The following ABLIM2 variants were observed in gnomAD, a reference collection of about 807,000 sequenced individuals.
ABLIM2 encodes the protein actin binding LIM protein family member 2.
ABLIM2 carries 53 observed loss-of-function variants against 97.7 expected under a neutral mutation model. The ratio of observed to expected loss-of-function variants is 0.54; its 90% CI spans 0.44 to 0.68. The LOEUF (loss-of-function observed/expected upper bound fraction) is 0.68, where lower values mean the gene tolerates loss of function less well. Among genes scored for constraint, ABLIM2 ranks in the 30% least tolerant of loss-of-function variants. The pLI is 0.00. For synonymous variants in ABLIM2, 361 were observed against 345.8 expected (o/e 1.04, Z -0.49); for missense variants, 835 against 867.2 (o/e 0.96, Z 0.47).
At chr4:8,129,392 G>T (rs891150628) in intron 1 of ABLIM2, among the ~76,000 whole-genome samples, 2 of 152,254 alleles carry the variant, frequency 1.3e-5, no homozygotes, top group African/African-American at 4.8e-5. Context: ...GCCCCTGCGC[G>T]CCCGAAACAC....
chr4:7,997,221 G>C (rs573630964), intron 16 of ABLIM2, among the ~76,000 whole-genome samples: 329 of 152,180 alleles, frequency 2.2e-3, no homozygotes, highest in Non-Finnish European at 3.7e-3. Context: ...ATGGGTGCAC[G>C]CCATCATGTC....
chr4:8,010,369 G>A (rs1764135810), intron 14 of ABLIM2: 13 of 985,524 alleles, frequency 1.3e-5, no homozygotes, highest in Admixed American at 6.2e-5. Flanking sequence ...ACCCGTCTCC[G>A]TCCCCAGCCC....
At chr4:8,090,959 C>T (rs1210578224) in intron 3 of ABLIM2, among the ~76,000 whole-genome samples, 1 of 151,932 alleles carries the variant, frequency 6.6e-6, no homozygotes, top group African/African-American at 2.4e-5. Flanking sequence ...CCAGCCTCTC[C>T]GCGGACACAA....
intron 17 of ABLIM2, among the ~76,000 whole-genome samples, chr4:7,991,306 C>A (rs1417614115): frequency 2.0e-5 from 3 of 152,344 alleles, no homozygotes; most frequent in Admixed American, 2.0e-4. Context: ...TGACGCAAGA[C>A]TACAAATGCA....
chr4:7,984,886 T>C lies in ABLIM2; in HGVS notation c.1688A>G (p.Asn563Ser), dbSNP rs375119926. Residue 563 changes from asparagine to serine, a missense_variant, in exon 18 of 21, where the codon AAT (asparagine) becomes AGT (serine). Asn to Ser is a conservative substitution (Grantham distance 46, BLOSUM62 1). Coordinates refer to ENST00000447017, the MANE Select transcript of ABLIM2 (RefSeq NM_001130083.2). ...GKNGLDQRNA[N>S]LAPCGADPDA... ...CGGGTCTGCTCCACAGGGGGCCAGA[T>C]TGGCATTCTGGAAGAGAAAGAGAGG... 73 of 1,609,076 alleles carry C rather than the reference T, an allele frequency of 4.5e-5. No individual in the cohort carries two copies. Among genetic ancestry groups the C allele is most frequent in the Non-Finnish European group, 5.3e-5 (63 of 1,178,090 alleles).
Position 8,022,946 on chromosome 4 carries a change from C to T in ABLIM2, c.1268-2643G>A. On this transcript the variant is annotated intron_variant, in intron 12 of 20. Coordinates refer to ENST00000447017, the MANE Select transcript of ABLIM2 (RefSeq NM_001130083.2). This position sits in a 1 kb window ranked among gnomAD's most constrained non-coding sequence, Gnocchi z 7.8. ...CTTTTTCCTCTTCCTCCTCCTCCTC[C>T]TCTTCTTTTTCCTCTTCCTCCTCTG... The T allele has an allele frequency of 6.4e-6, 1 of 155,152 alleles. No individual in the cohort carries two copies. Among genetic ancestry groups the T allele is most frequent in the Non-Finnish European group, 1.4e-5 (1 of 69,730 alleles). The allele number at this position is 155,152 out of a possible 1,614,324, so 9.6% of individuals were successfully genotyped here.
intron 9 of ABLIM2, among the ~76,000 whole-genome samples, chr4:8,042,890 C>T (rs1010651776): frequency 6.8e-6 from 1 of 147,906 alleles, no homozygotes; most frequent in African/African-American, 2.5e-5. Flanking sequence ...ATGACTCAAA[C>T]CTATAATCCC....
intron 3 of ABLIM2, among the ~76,000 whole-genome samples, chr4:8,089,732 CAAAAAA>C (rs58396378): frequency 4.0e-4 from 35 of 87,678 alleles, no homozygotes; most frequent in Admixed American, 3.5e-3. Context: ...AGATTCATAT[CAAAAAA>C]AAAAAAAAAA....
In ABLIM2 at chr4:8,106,484, G is replaced by A; in HGVS notation, c.154+10C>T. ...AGGGGCCACACTGCAGGGGACCGGG[G>A]GACACTCACCTTTACAGACGAAGCA... On this transcript the variant is annotated intron_variant, in intron 2 of 20. Coordinates refer to ENST00000447017, the MANE Select transcript of ABLIM2 (RefSeq NM_001130083.2). 3.1e-6 allele frequency: 5 copies of A among 1,588,594 alleles called. No homozygotes were observed. The highest frequency in any genetic ancestry group is 4.3e-6 in the Non-Finnish European group (5 of 1,167,550).
At chr4:8,035,440 C>T (rs1051180403) in intron 10 of ABLIM2, among the ~76,000 whole-genome samples, 1 of 152,198 alleles carries the variant, frequency 6.6e-6, no homozygotes, top group Admixed American at 6.5e-5. Flanking sequence ...CTGAGCTTCC[C>T]CACCCCGGGG....
chr4:8,115,961 C>T (rs747230223), intron 1 of ABLIM2, among the ~76,000 whole-genome samples: 3 of 152,178 alleles, frequency 2.0e-5, no homozygotes, highest in Non-Finnish European at 2.9e-5. Flanking sequence ...GCCCACATGC[C>T]GCTATTCTGG....
chr4:7,975,496 G>A (rs1294623892), intron 20 of ABLIM2, among the ~76,000 whole-genome samples: 6 of 152,192 alleles, frequency 3.9e-5, no homozygotes, highest in Middle Eastern at 3.4e-3. Flanking sequence ...TCACTGCTGC[G>A]TGGCTGGACA....
At chr4:8,153,983 GAT>G (rs1714140558) in intron 1 of ABLIM2, among the ~76,000 whole-genome samples, 1 of 95,594 alleles carries the variant, frequency 1.0e-5, no homozygotes, top group Non-Finnish European at 2.2e-5. Flanking sequence ...TTTTTTTTGA[GAT>G]ACAGTCTCAC....
chr4:8,050,024 G>A lies in ABLIM2; in HGVS notation c.822+4164C>T, dbSNP rs1228550699. 2.0e-5 allele frequency among the ~76,000 whole-genome samples: 3 copies of A among 152,272 alleles called. No individual in the cohort carries two copies. In the East Asian group the frequency reaches 5.8e-4, roughly 29 times the overall value. ...ATTACAGGTGTGAGCCACTGCGCAC[G>A]GCCAGTCAGAATGTTTTAAAATCTA... On this transcript the variant is annotated intron_variant, in intron 8 of 20. Transcript: ENST00000447017.
chr4:8,156,517 C>G (rs932153164), intron 1 of ABLIM2, among the ~76,000 whole-genome samples: 21 of 152,274 alleles, frequency 1.4e-4, no homozygotes, highest in African/African-American at 4.8e-4. Flanking sequence ...CGATCCACAC[C>G]TGGGTCATCC....
At chr4:7,974,009 G>A (rs747691416) in intron 20 of ABLIM2, among the ~76,000 whole-genome samples, 41 of 152,220 alleles carry the variant, frequency 2.7e-4, no homozygotes, top group Non-Finnish European at 5.3e-4. Flanking sequence ...AGTAAATACT[G>A]AGGTTTCCCA....
At chr4:8,111,138 C>T (rs1476901968) in intron 1 of ABLIM2, among the ~76,000 whole-genome samples, 1 of 152,174 alleles carries the variant, frequency 6.6e-6, no homozygotes, top group African/African-American at 2.4e-5. Flanking sequence ...TGGGGTGTAT[C>T]CAGACGATGA....
Position 7,998,958 on chromosome 4 carries a change from C to G in ABLIM2, c.1619-6031G>C, listed in dbSNP as rs571660085. Reference sequence around the variant, plus strand: ...AGGCGACACTATCTCACCCCCTGGACTGCTGTCTGGACTCCTGAAGTTGGT... The same window carrying G: ...AGGCGACACTATCTCACCCCCTGGAGTGCTGTCTGGACTCCTGAAGTTGGT... On this transcript the variant is annotated intron_variant, in intron 16 of 20. Coordinates refer to ENST00000447017, the MANE Select transcript of ABLIM2 (RefSeq NM_001130083.2). The surrounding 1 kb of genome is among the most constrained non-coding windows in gnomAD (Gnocchi z 6.4). Among the ~76,000 whole-genome samples the G allele has an allele frequency of 6.6e-6, 1 of 152,248 alleles. No homozygotes were observed. The highest frequency in any genetic ancestry group is 1.9e-4 in the East Asian group (1 of 5,202).
At position 7,990,309 on chromosome 4, in the gene ABLIM2, G is replaced by C. The variant is rs1747671124; in HGVS notation, c.1680+2557C>G. On this transcript the variant is annotated intron_variant, in intron 17 of 20. Coordinates refer to ENST00000447017, the MANE Select transcript of ABLIM2 (RefSeq NM_001130083.2). ...CCTCCGAGGTTCAAGCAATTCTCCT[G>C]CCTCAGCCTCCCGAGTGGCTGGGAC... Among the ~76,000 whole-genome samples the C allele has an allele frequency of 2.0e-5, 3 of 152,140 alleles. No individual in the cohort carries two copies. The South Asian group carries it at 6.2e-4, about 32-fold the overall frequency.
Sources: gnomAD v4.1 joint callset for allele counts (sites outside exome capture counted in the v4.1 genomes callset) on GRCh38, gnomAD v4.1.1 for gene constraint, Gnocchi (gnomAD v3.1) non-coding constraint, MANE v1.5 for transcripts, NCBI Gene and HGNC (gene_info 2026-07-23, HGNC 2026-07-21) for gene names.